The following SLC22A3 variants were observed in gnomAD, a reference collection of about 807,000 sequenced individuals.
The protein encoded by SLC22A3 is EMT organic cation transporter 3.
In SLC22A3, 51 loss-of-function variants were observed where a neutral mutation model predicts 59.1. That is an observed-to-expected ratio of 0.86 (90% CI 0.69 to 1.09). SLC22A3 has a LOEUF of 1.09. Among genes scored for constraint, SLC22A3 ranks in the 50% least tolerant of loss-of-function variants. The pLI is 0.00. For synonymous variants in SLC22A3, 325 were observed against 292.0 expected, an observed-to-expected ratio of 1.11 and a Z score of -1.15; for missense variants, 711 against 726.3, an observed-to-expected ratio of 0.98 and a Z score of 0.24.
rs533912520 is a variant in SLC22A3 at position 160,435,585 on chromosome 6, G to T, written c.976-1195G>T. ...GTTGATCTATTGAATTTACTGTTTA[G>T]AATCTGTGATTGACAAGGTACTATC... On this transcript the variant is annotated intron_variant, in intron 5 of 10. Transcript: ENST00000275300. Among the ~76,000 whole-genome samples the T allele has an allele frequency of 3.1e-3, 474 of 152,244 alleles. 4 individuals carry two copies. Among genetic ancestry groups the T allele is most frequent in the South Asian group, 0.012 (58 of 4,826 alleles).
intron 4 of SLC22A3, 60 bp downstream of exon 4, chr6:160,408,981 C>T: frequency 3.7e-6 from 5 of 1,349,514 alleles, no homozygotes; most frequent in Admixed American, 1.9e-5. Context: ...AGACTCCAAA[C>T]AGACATGAAA....
intron 2 of SLC22A3, among the ~76,000 whole-genome samples, chr6:160,403,159 G>GGA (rs953960780): frequency 2.7e-5 from 4 of 150,814 alleles, no homozygotes; most frequent in Non-Finnish European, 4.5e-5. Flanking sequence ...AAAAGAAAGA[G>GGA]GAGAGAGAGA....
At chr6:160,406,076 T>C (rs934145050) in intron 2 of SLC22A3, among the ~76,000 whole-genome samples, 3 of 152,210 alleles carry the variant, frequency 2.0e-5, no homozygotes, top group Admixed American at 1.3e-4. Context: ...ACTGTGGACA[T>C]TGGGTGATTA....
chr6:160,371,805 C>T (rs1197630666), intron 1 of SLC22A3, among the ~76,000 whole-genome samples: 4 of 152,166 alleles, frequency 2.6e-5, no homozygotes, highest in African/African-American at 7.2e-5. Context: ...AGTGTAAATG[C>T]GTTCCTATTT....
At chr6:160,386,145 C>T in intron 1 of SLC22A3, among the ~76,000 whole-genome samples, 1 of 152,216 alleles carries the variant, frequency 6.6e-6, no homozygotes, top group East Asian at 1.9e-4. Flanking sequence ...GCCTGTGCAC[C>T]TGTGCACATG....
chr6:160,376,366 G>A (rs1032614006), intron 1 of SLC22A3, among the ~76,000 whole-genome samples: 13 of 151,962 alleles, frequency 8.6e-5, no homozygotes, highest in African/African-American at 2.7e-4. Context: ...GGGGTGGTGC[G>A]GAGAGGGGTG....
At chr6:160,349,322 G>GGCA (rs1784584931) in intron 1 of SLC22A3, among the ~76,000 whole-genome samples, 2 of 152,182 alleles carry the variant, frequency 1.3e-5, no homozygotes, top group Non-Finnish European at 2.9e-5. Context: ...AACGTTTGAA[G>GGCA]GCAGCAGCAG....
chr6:160,387,180 G>C (rs1370025358), intron 1 of SLC22A3, among the ~76,000 whole-genome samples: 1 of 152,246 alleles, frequency 6.6e-6, no homozygotes, highest in Non-Finnish European at 1.5e-5. Context: ...GGCATGCAGA[G>C]CCAGGAAAAC....
At chr6:160,400,127 C>A (rs1786706666) in intron 2 of SLC22A3, among the ~76,000 whole-genome samples, 1 of 126,886 alleles carries the variant, frequency 7.9e-6, no homozygotes, top group Non-Finnish European at 1.6e-5. Context: ...TGAAGCTCTA[C>A]AAGGTTCCAA....
chr6:160,401,728 C>T (rs1786790096), intron 2 of SLC22A3, among the ~76,000 whole-genome samples: 1 of 151,646 alleles, frequency 6.6e-6, no homozygotes, highest in South Asian at 2.1e-4. Flanking sequence ...CATACATAAG[C>T]ATATATAGAG....
intron 1 of SLC22A3, among the ~76,000 whole-genome samples, chr6:160,391,507 G>A (rs1054454824): frequency 2.6e-5 from 4 of 152,146 alleles, no homozygotes; most frequent in African/African-American, 9.7e-5. Flanking sequence ...TTACAGATAG[G>A]AACACAAGAG....
At position 160,445,220 on chromosome 6, in the gene SLC22A3, G is replaced by T. The variant is rs189028476; in HGVS notation, c.1510+1478G>T. On this transcript the variant is annotated intron_variant, in intron 9 of 10. Transcript: ENST00000275300. ...CCCCTGAGTGGAAGGGAGCAGGCCAGGGAGGAAGGAAGCAATGTCTAGGCC... is the reference window on the plus strand; with the variant it reads ...CCCCTGAGTGGAAGGGAGCAGGCCATGGAGGAAGGAAGCAATGTCTAGGCC... 6.8e-3 allele frequency among the ~76,000 whole-genome samples: 1,038 copies of T among 152,316 alleles called. 15 individuals carry two copies. The highest frequency in any genetic ancestry group is 0.024 in the African/African-American group (999 of 41,572).
chr6:160,427,100 CAGAGTCAGG>C (rs2114895856), intron 5 of SLC22A3, among the ~76,000 whole-genome samples: 1 of 152,118 alleles, frequency 6.6e-6, no homozygotes, highest in East Asian at 1.9e-4. Context: ...GGGACCAGGT[CAGAGTCAGG>C]ATGAAGACAA....
Position 160,401,824 on chromosome 6 carries a change from T to C in SLC22A3, c.533+3742T>C, listed in dbSNP as rs797014093. 3.9e-5 allele frequency among the ~76,000 whole-genome samples: 6 copies of C among 152,006 alleles called. 1 individual carries two copies. Among genetic ancestry groups the C allele is most frequent in the African/African-American group, 1.4e-4 (6 of 41,522 alleles). On this transcript the variant is annotated intron_variant, in intron 2 of 10. Transcript: ENST00000275300. ...GATTTGAATTAGTTATAAATGTATA[T>C]TGTAAACTCTAAAGCAACTACTAAA...
At chr6:160,367,049 C>A (rs1033518784) in intron 1 of SLC22A3, among the ~76,000 whole-genome samples, 1 of 152,148 alleles carries the variant, frequency 6.6e-6, no homozygotes, top group Non-Finnish European at 1.5e-5. Context: ...TGTAGCAGCA[C>A]CCCATTCTCT....
intron 1 of SLC22A3, among the ~76,000 whole-genome samples, chr6:160,383,804 AT>A (rs113501947): frequency 0.028 from 4,174 of 151,680 alleles, 168 homozygotes; most frequent in Middle Eastern, 0.11. Flanking sequence ...GCAAAAAAAA[AT>A]ATATAAATAA....
At chr6:160,372,350 T>C (rs772991791) in intron 1 of SLC22A3, among the ~76,000 whole-genome samples, 2 of 152,212 alleles carry the variant, frequency 1.3e-5, no homozygotes, top group Non-Finnish European at 2.9e-5. Flanking sequence ...ATTGTAGGGT[T>C]TCTACAGAGA....
At chr6:160,440,388 G>C (rs1788499027) in intron 7 of SLC22A3, among the ~76,000 whole-genome samples, 1 of 152,186 alleles carries the variant, frequency 6.6e-6, no homozygotes, top group Non-Finnish European at 1.5e-5. Context: ...TCAGAACTCA[G>C]AGTAGATGAT....
chr6:160,395,580 AATT>A (rs1184968690), intron 1 of SLC22A3, among the ~76,000 whole-genome samples: 1 of 152,254 alleles, frequency 6.6e-6, no homozygotes, highest in African/African-American at 2.4e-5. Context: ...TCCAATGAGA[AATT>A]ATTTCAGATA....
Sources: allele counts gnomAD v4.1 joint callset (sites outside exome capture counted in the v4.1 genomes callset), GRCh38; gene constraint gnomAD v4.1.1; transcripts MANE v1.5; gene names NCBI Gene and HGNC (gene_info 2026-07-23, HGNC 2026-07-21).